The following PCDH15 variants were observed in gnomAD, a reference collection of about 807,000 sequenced individuals.
PCDH15 encodes protocadherin related 15.
In PCDH15, 129 loss-of-function variants were observed where a neutral mutation model predicts 178.5. The observed-to-expected ratio is 0.72, with a 90% CI of 0.63 to 0.84. The LOEUF (loss-of-function observed/expected upper bound fraction) is 0.84, where lower values mean the gene tolerates loss of function less well. Among genes scored for constraint, PCDH15 ranks in the 40% least tolerant of loss-of-function variants. The pLI, the probability that PCDH15 is intolerant of heterozygous loss-of-function variation, is 0.00. For synonymous variants in PCDH15, 800 were observed against 732.0 expected, an observed-to-expected ratio of 1.09 and a Z score of -1.50; for missense variants, 2,230 against 2,099.9, an observed-to-expected ratio of 1.06 and a Z score of -1.21.
At chr10:54,874,012 T>A (rs1485041835) in intron 3 of PCDH15, among the ~76,000 whole-genome samples, 4 of 141,946 alleles carry the variant, frequency 2.8e-5, no homozygotes, top group African/African-American at 1.0e-4. Context: ...AGGGTACATG[T>A]GCACAATGTG....
rs7907378 is a variant in PCDH15, at chr10:53,945,164, T to G, written c.3123-4189A>C. Among the ~76,000 whole-genome samples the G allele has an allele frequency of 1.4e-3, 215 of 152,330 alleles. 1 individual carries two copies. Among genetic ancestry groups the G allele is most frequent in the African/African-American group, 4.9e-3 (205 of 41,574 alleles). On this transcript the variant is annotated intron_variant, in intron 23 of 37. Coordinates refer to ENST00000644397, the MANE Select transcript of PCDH15 (RefSeq NM_001384140.1). ...TTTTCAAAATTAATAATATTTTTGT[T>G]TTTAATAAAAATGTTATTGAGAAAT...
intron 21 of PCDH15, among the ~76,000 whole-genome samples, chr10:53,991,734 G>T (rs745478086): frequency 6.6e-6 from 1 of 152,030 alleles, no homozygotes; most frequent in Admixed American, 6.5e-5. Flanking sequence ...GGGACTTGGA[G>T]AACTTTTATG....
At chr10:54,339,254 C>A (rs958645623) in intron 6 of PCDH15, among the ~76,000 whole-genome samples, 1 of 152,074 alleles carries the variant, frequency 6.6e-6, no homozygotes, top group Admixed American at 6.6e-5. Flanking sequence ...CAAGACAATT[C>A]TTTTTCTTCC....
Position 54,688,024 on chromosome 10 carries a change from G to A in PCDH15, c.-28-23734C>T, listed in dbSNP as rs897156115. Among the ~76,000 whole-genome samples the A allele has an allele frequency of 9.2e-5, 14 of 151,910 alleles. No individual in the cohort carries two copies. In the South Asian group the frequency reaches 1.7e-3, roughly 18 times the overall value. ...AATTGGTTAAGAGGATAGGTCTCACGTTAAGCATTCTAACCACAATAAAAT... is the reference window on the plus strand; with the variant it reads ...AATTGGTTAAGAGGATAGGTCTCACATTAAGCATTCTAACCACAATAAAAT... On this transcript the variant is annotated intron_variant, in intron 1 of 37. Transcript: ENST00000644397.
intron 2 of PCDH15, among the ~76,000 whole-genome samples, chr10:55,053,579 A>C (rs1463727634): frequency 6.6e-6 from 1 of 152,184 alleles, no homozygotes; most frequent in East Asian, 1.9e-4. Context: ...GGGATCTAAC[A>C]TGGTGAGGCA....
chr10:55,022,283 A>G (rs1158645304), intron 2 of PCDH15, among the ~76,000 whole-genome samples: 1 of 151,756 alleles, frequency 6.6e-6, no homozygotes, highest in African/African-American at 2.4e-5. Context: ...TAAACCCTGT[A>G]TCTACTAAAA....
chr10:55,498,635 T>C (rs1422447253), intron 2 of PCDH15, among the ~76,000 whole-genome samples: 1 of 151,838 alleles, frequency 6.6e-6, no homozygotes, highest in Non-Finnish European at 1.5e-5. Flanking sequence ...TGAAATATGC[T>C]CAGTACTATA....
intron 2 of PCDH15, among the ~76,000 whole-genome samples, chr10:55,459,215 C>T (rs1427691789): frequency 7.7e-6 from 1 of 129,098 alleles, no homozygotes; most frequent in South Asian, 2.4e-4. Flanking sequence ...CAATTAGCAG[C>T]CGAGTGTCCT....
At position 55,466,707 on chromosome 10, in the gene PCDH15, G is replaced by A. The variant is rs16907451; in HGVS notation, c.-156+160918C>T. On this transcript the variant is annotated intron_variant, in intron 2 of 5. Coordinates refer to the PCDH15 transcript ENST00000613346. ...AAATCACTCACATAGAGATGACCAT[G>A]GAAGATACAGGAAGGAACTGAAATC... 4.7e-3 allele frequency among the ~76,000 whole-genome samples: 716 copies of A among 152,256 alleles called. 7 individuals carry two copies. Among genetic ancestry groups the A allele is most frequent in the African/African-American group, 0.016 (682 of 41,552 alleles).
chr10:55,530,886 C>T (rs1841437494), intron 2 of PCDH15, among the ~76,000 whole-genome samples: 1 of 151,908 alleles, frequency 6.6e-6, no homozygotes. Context: ...TTATAGCTTT[C>T]AATAGTTTGT....
intron 3 of PCDH15, among the ~76,000 whole-genome samples, chr10:54,407,723 C>T (rs953001221): frequency 3.3e-5 from 5 of 151,878 alleles, no homozygotes; most frequent in African/African-American, 1.2e-4. Flanking sequence ...TTTTGCTTTT[C>T]CTGACCCTTA....
chr10:54,829,179 A>G (rs142609356), intron 3 of PCDH15, among the ~76,000 whole-genome samples: 1 of 151,986 alleles, frequency 6.6e-6, no homozygotes, highest in African/African-American at 2.4e-5. Context: ...TAAAAGAATT[A>G]CTCTGCCTCT....
At chr10:55,235,317 T>A (rs1445609560) in intron 1 of PCDH15, among the ~76,000 whole-genome samples, 1 of 152,088 alleles carries the variant, frequency 6.6e-6, no homozygotes, top group Non-Finnish European at 1.5e-5. Flanking sequence ...TATTTTCTCC[T>A]AGTAAAAATT....
intron 11 of PCDH15, among the ~76,000 whole-genome samples, chr10:54,193,098 C>T (rs2049197663): frequency 6.6e-6 from 1 of 152,194 alleles, no homozygotes; most frequent in African/African-American, 2.4e-5. Flanking sequence ...TGGTACTGTA[C>T]ATCTCCAAGA....
Position 53,972,309 on chromosome 10 carries a change from A to T in PCDH15, c.2869-10417T>A, listed in dbSNP as rs186256133. On this transcript the variant is annotated intron_variant, in intron 21 of 37. Coordinates refer to ENST00000644397, the MANE Select transcript of PCDH15 (RefSeq NM_001384140.1). The stretch of plus-strand genomic sequence containing the variant: ...AATTCAAGATGGATTAAAGACTTAG[A>T]TGTTAGACCTAAAACCATAAAAACT... 7.0e-5 allele frequency among the ~76,000 whole-genome samples: 10 copies of T among 143,310 alleles called. 1 individual carries two copies. In the East Asian group the frequency reaches 2.1e-3, roughly 29 times the overall value. The allele number at this position is 143,310 out of a possible 152,430, so 94.0% of individuals were successfully genotyped here.
At chr10:53,995,515 A>AG in intron 21 of PCDH15, 134 bp downstream of exon 21, 1 of 1,515,110 alleles carries the variant, frequency 6.6e-7, no homozygotes, top group Non-Finnish European at 9.0e-7. Context: ...AATAAGTAAA[A>AG]GAACATAAAA....
rs762512156 is a variant in PCDH15 at position 53,903,223 on chromosome 10, A to G, written c.3501+20T>C. On this transcript the variant is annotated intron_variant, in intron 26 of 37. Coordinates refer to ENST00000644397, the MANE Select transcript of PCDH15 (RefSeq NM_001384140.1). Reference sequence around the variant, plus strand: ...CTGAGCTTTTACTTTAGTTCTGTATATTAACATAATTCCGCATACCTTCAC... The same window carrying G: ...CTGAGCTTTTACTTTAGTTCTGTATGTTAACATAATTCCGCATACCTTCAC... 2 of 1,611,414 alleles carry G rather than the reference A, an allele frequency of 1.2e-6. No individual in the cohort carries two copies. The highest frequency in any genetic ancestry group is 2.2e-5 in the East Asian group (1 of 44,766).
chr10:54,139,564 A>G (rs2043202190), intron 14 of PCDH15, among the ~76,000 whole-genome samples: 1 of 152,164 alleles, frequency 6.6e-6, no homozygotes, highest in Non-Finnish European at 1.5e-5. Context: ...TCTCATCTGT[A>G]AAATGCTAAT....
At chr10:54,603,886 C>G (rs922269961) in intron 2 of PCDH15, among the ~76,000 whole-genome samples, 2 of 152,004 alleles carry the variant, frequency 1.3e-5, no homozygotes, top group Non-Finnish European at 2.9e-5. Flanking sequence ...AGCAGTAGTG[C>G]ATTGGCAATG....
Sources: gnomAD v4.1 joint callset for allele counts (sites outside exome capture counted in the v4.1 genomes callset) on GRCh38, gnomAD v4.1.1 for gene constraint, MANE v1.5 for transcripts, NCBI Gene and HGNC (gene_info 2026-07-23, HGNC 2026-07-21) for gene names.